Variants in DLC1 observed in about 807,000 individuals in gnomAD.
DLC1 encodes DLC1 Rho GTPase activating protein.
A neutral mutation model predicts 140.3 loss-of-function variants in DLC1; 54 were observed. The ratio of observed to expected loss-of-function variants is 0.38; its 90% CI spans 0.31 to 0.48. The LOEUF (loss-of-function observed/expected upper bound fraction) is 0.48, where lower values mean the gene tolerates loss of function less well. Among genes scored for constraint, DLC1 ranks in the 20% least tolerant of loss-of-function variants. DLC1 has a pLI of 0.96. For missense variants in DLC1, 2,536 were observed against 1,907.0 expected, an observed-to-expected ratio of 1.33 and a Z score of -6.14; for synonymous variants, 986 against 728.1, an observed-to-expected ratio of 1.35 and a Z score of -5.70.
intron 1 of DLC1, among the ~76,000 whole-genome samples, chr8:13,524,955 C>T (rs1159574068): frequency 6.6e-6 from 1 of 152,162 alleles, no homozygotes; most frequent in Non-Finnish European, 1.5e-5. Flanking sequence ...CCATCACTGT[C>T]GAGTTTCCTC....
At chr8:13,271,718 T>G (rs1352016541) in intron 5 of DLC1, among the ~76,000 whole-genome samples, 1 of 152,264 alleles carries the variant, frequency 6.6e-6, no homozygotes, top group Non-Finnish European at 1.5e-5. Context: ...GAGGTCTTGC[T>G]ATGTCATTCA....
intron 4 of DLC1, among the ~76,000 whole-genome samples, chr8:13,389,234 A>T (rs1408008017): frequency 6.6e-6 from 1 of 152,128 alleles, no homozygotes; most frequent in African/African-American, 2.4e-5. Context: ...TATCTTTAGG[A>T]AAAACAACCA....
chr8:13,212,653 C>G (rs915447006), intron 5 of DLC1, among the ~76,000 whole-genome samples: 4 of 151,800 alleles, frequency 2.6e-5, no homozygotes, highest in African/African-American at 9.7e-5. Context: ...AAATGATTGC[C>G]CGTTTTTAAT....
intron 5 of DLC1, among the ~76,000 whole-genome samples, chr8:13,117,542 T>C (rs1033200899): frequency 1.3e-5 from 2 of 152,094 alleles, no homozygotes; most frequent in African/African-American, 2.4e-5. Context: ...CCACAAAACA[T>C]AGATATGGAA....
rs542777232 is a variant in DLC1, at chr8:13,555,515, G to A, written c.-126+49022C>T. Among the ~76,000 whole-genome samples the A allele has an allele frequency of 5.9e-5, 9 of 151,706 alleles. 1 individual carries two copies. Among genetic ancestry groups the A allele is most frequent in the Non-Finnish European group, 8.8e-5 (6 of 67,922 alleles). On this transcript the variant is annotated intron_variant, in intron 1 of 1. Coordinates refer to the DLC1 transcript ENST00000631382. ...TTTAAATTTTTTATTTTTTTGAGAC[G>A]GAGTCTCACTCTGTTGCCCAGGCTG...
chr8:13,461,119 A>C (rs544141226), intron 2 of DLC1, among the ~76,000 whole-genome samples: 1 of 152,200 alleles, frequency 6.6e-6, no homozygotes, highest in Non-Finnish European at 1.5e-5. Flanking sequence ...CTGAGGCAAA[A>C]GGTTTGCTTG....
At chr8:13,235,919 G>A (rs77380006) in intron 5 of DLC1, among the ~76,000 whole-genome samples, 1 of 151,890 alleles carries the variant, frequency 6.6e-6, no homozygotes, top group Non-Finnish European at 1.5e-5. Flanking sequence ...TAGAGCTTTT[G>A]CTACTTATTA....
intron 5 of DLC1, among the ~76,000 whole-genome samples, chr8:13,195,840 C>A (rs186503458): frequency 6.6e-6 from 1 of 151,828 alleles, no homozygotes; most frequent in African/African-American, 2.4e-5. Flanking sequence ...CTTGGATTTT[C>A]GGAATCATTT....
intron 4 of DLC1, among the ~76,000 whole-genome samples, chr8:13,380,979 TATG>T (rs1295873243): frequency 6.6e-6 from 1 of 152,122 alleles, no homozygotes; most frequent in Non-Finnish European, 1.5e-5. Flanking sequence ...GAAGGGTTAA[TATG>T]ATGCCTGCCC....
intron 5 of DLC1, chr8:13,214,641 T>C: frequency 1.3e-6 from 1 of 780,454 alleles, no homozygotes; most frequent in East Asian, 2.4e-5. Context: ...TGATGTTTTC[T>C]TCTCCAGCAA....
intron 5 of DLC1, among the ~76,000 whole-genome samples, chr8:13,142,666 A>G (rs1275871550): frequency 6.6e-6 from 1 of 152,232 alleles, no homozygotes; most frequent in Non-Finnish European, 1.5e-5. Flanking sequence ...GAGGGTTATT[A>G]CACAACACTA....
intron 1 of DLC1, among the ~76,000 whole-genome samples, chr8:13,540,360 T>C (rs779074402): frequency 3.3e-5 from 5 of 152,226 alleles, no homozygotes; most frequent in Non-Finnish European, 5.9e-5. Flanking sequence ...GTTCATATTT[T>C]CTATCCCACA....
At chr8:13,088,764 T>C in intron 15 of DLC1, 60 bp from the exon 16 acceptor site, 1 of 1,513,514 alleles carries the variant, frequency 6.6e-7, no homozygotes. Flanking sequence ...GTTTTTGAAG[T>C]CGAATTGTTA....
chr8:13,100,813 G>A lies in DLC1; in HGVS notation c.1567-43C>T, dbSNP rs761976585. On this transcript the variant is annotated intron_variant, in intron 8 of 17. Transcript: ENST00000276297. ...AGCCATTCACACACTGGGGCTGGCA[G>A]CCAGCAGGGAGCAGGGCATGAGCAG... The A allele has an allele frequency of 1.3e-6, 2 of 1,519,036 alleles. 1 individual carries two copies. The highest frequency in any genetic ancestry group is 2.7e-5 in the South Asian group (2 of 75,398). 94.1% of individuals were successfully genotyped at this position (1,519,036 alleles called of 1,614,324 possible).
intron 1 of DLC1, among the ~76,000 whole-genome samples, chr8:13,564,763 G>T (rs1049792207): frequency 2.0e-5 from 3 of 152,178 alleles, no homozygotes; most frequent in Non-Finnish European, 2.9e-5. Flanking sequence ...GGAAAAAGCT[G>T]GGAGAAGACC....
chr8:13,372,290 T>A (rs1383018856), intron 4 of DLC1, among the ~76,000 whole-genome samples: 3 of 152,208 alleles, frequency 2.0e-5, no homozygotes, highest in African/African-American at 7.2e-5. Flanking sequence ...TTCAAAATCA[T>A]GCTTTCCTTA....
At chr8:13,398,570 T>C (rs1213448897) in intron 3 of DLC1, among the ~76,000 whole-genome samples, 2 of 114,680 alleles carry the variant, frequency 1.7e-5, no homozygotes, top group East Asian at 2.5e-4. Flanking sequence ...CCCTAGAACA[T>C]AGAGCTGGGC....
At chr8:13,519,781 A>T (rs1217931806), upstream of DLC1, among the ~76,000 whole-genome samples, 1 of 152,166 alleles carries the variant, frequency 6.6e-6, no homozygotes, top group Non-Finnish European at 1.5e-5. Context: ...AATTTACAAG[A>T]AAAAAACAAC....
chr8:13,473,551 G>T (rs895142580), intron 2 of DLC1, among the ~76,000 whole-genome samples: 1 of 152,134 alleles, frequency 6.6e-6, no homozygotes, highest in African/African-American at 2.4e-5. Context: ...AACGGGCAGG[G>T]GTTAGAACAG....
Sources: allele counts gnomAD v4.1 joint callset (sites outside exome capture counted in the v4.1 genomes callset), GRCh38; gene constraint gnomAD v4.1.1; transcripts MANE v1.5; gene names NCBI Gene and HGNC (gene_info 2026-07-23, HGNC 2026-07-21).